TYW1B: variants seen among roughly 807,000 people sequenced by gnomAD.
TYW1B encodes S-adenosyl-L-methionine-dependent tRNA 4-demethylwyosine synthase TYW1B.
In TYW1B, 73 loss-of-function variants were observed where a neutral mutation model predicts 86.9. That is an observed-to-expected ratio of 0.84 (90% CI 0.70 to 1.02). TYW1B has a LOEUF of 1.02. TYW1B is among the 50% of genes least tolerant of loss of function. TYW1B has a pLI of 0.00. For synonymous variants in TYW1B, 248 were observed against 292.8 expected (o/e 0.85, Z 1.56); for missense variants, 637 against 827.4 (o/e 0.77, Z 2.82).
intron 10 of TYW1B, among the ~76,000 whole-genome samples, chr7:72,712,477 C>T (rs1318531190): frequency 6.6e-6 from 1 of 152,072 alleles, no homozygotes; most frequent in Non-Finnish European, 1.5e-5. Flanking sequence ...TACAGGCATG[C>T]ACCATCATGC....
chr7:72,662,994 T>C (rs1198798779), intron 11 of TYW1B, among the ~76,000 whole-genome samples: 29 of 152,352 alleles, frequency 1.9e-4, no homozygotes, highest in African/African-American at 6.5e-4. Context: ...AAATTCTTTT[T>C]TTCATAAATC....
intron 13 of TYW1B, among the ~76,000 whole-genome samples, chr7:72,593,065 G>T (rs191140869): frequency 1.3e-5 from 2 of 151,882 alleles, no homozygotes; most frequent in Admixed American, 1.3e-4. Context: ...CACTTTGGGA[G>T]GCCAAGGCAG....
At chr7:72,783,560 T>C (rs1254006766) in intron 6 of TYW1B, among the ~76,000 whole-genome samples, 1 of 152,204 alleles carries the variant, frequency 6.6e-6, no homozygotes, top group Non-Finnish European at 1.5e-5. Flanking sequence ...TTTAGATTCC[T>C]ATTTCTTTAA....
At chr7:72,606,211 G>C (rs569589069) in intron 13 of TYW1B, among the ~76,000 whole-genome samples, 3 of 151,962 alleles carry the variant, frequency 2.0e-5, no homozygotes, top group African/African-American at 4.8e-5. Context: ...AAAAAAAAGA[G>C]TCCCAAGTAA....
chr7:72,586,960 T>C (rs1374505021), intron 13 of TYW1B, among the ~76,000 whole-genome samples: 15 of 152,134 alleles, frequency 9.9e-5, no homozygotes, highest in African/African-American at 3.4e-4. Context: ...AAAACAAAAA[T>C]AAAAAAGAAC....
intron 7 of TYW1B, among the ~76,000 whole-genome samples, chr7:72,755,909 A>C (rs1350192397): frequency 1.3e-5 from 2 of 152,204 alleles, no homozygotes; most frequent in Non-Finnish European, 2.9e-5. Flanking sequence ...ATGAAGTATC[A>C]AGCAAAGATC....
At chr7:72,712,881 G>A (rs1786697255) in intron 10 of TYW1B, among the ~76,000 whole-genome samples, 1 of 152,044 alleles carries the variant, frequency 6.6e-6, no homozygotes, top group Non-Finnish European at 1.5e-5. Flanking sequence ...ACATTCTGTG[G>A]TCTAAATAAA....
rs374351660 is a variant in TYW1B at position 72,807,141 on chromosome 7, T to C, written c.648A>G (p.Glu216=). ...CGGHCKKGKC[E]SHQHGSEERE... The stretch of plus-strand genomic sequence containing the variant: ...TCTCCTCTGAGCCATGTTGGTGAGA[T>C]TCACATTTGCCTTTCTTGCAGTGGC... The change falls in exon 5 of 14, where the codon GAA becomes GAG. Residue 216 remains glutamate (E), a synonymous_variant. Coordinates refer to ENST00000620995, the MANE Select transcript of TYW1B (RefSeq NM_001145440.3). 8.4e-5 allele frequency: 136 copies of C among 1,613,988 alleles called. No homozygotes were observed. Among genetic ancestry groups the C allele is most frequent in the Non-Finnish European group, 1.1e-4 (127 of 1,180,016 alleles).
chr7:72,752,095 T>TC (rs1191207833), intron 7 of TYW1B, among the ~76,000 whole-genome samples: 1 of 151,954 alleles, frequency 6.6e-6, no homozygotes, highest in Non-Finnish European at 1.5e-5. Context: ...ACAAAGAGGG[T>TC]CCCCCAGCTG....
chr7:72,819,664 C>T (rs1554480087), intron 2 of TYW1B, among the ~76,000 whole-genome samples: 1 of 152,174 alleles, frequency 6.6e-6, no homozygotes, highest in Non-Finnish European at 1.5e-5. Flanking sequence ...AACTCCTGGG[C>T]TCAAGTGATC....
chr7:72,719,794 A>G (rs1388119239), intron 9 of TYW1B, among the ~76,000 whole-genome samples: 1 of 151,934 alleles, frequency 6.6e-6, no homozygotes, highest in East Asian at 1.9e-4. Flanking sequence ...TAGCTGGAGG[A>G]GGTGAGGGAG....
Position 72,742,852 on chromosome 7 carries a change from T to A in TYW1B, c.1082+1632A>T, listed in dbSNP as rs139376813. Among the ~76,000 whole-genome samples the A allele has an allele frequency of 3.2e-3, 484 of 152,206 alleles. 8 individuals carry two copies. In the East Asian group the frequency reaches 0.035, roughly 11 times the overall value. On this transcript the variant is annotated intron_variant, in intron 8 of 13. Transcript: ENST00000620995. The stretch of plus-strand genomic sequence containing the variant: ...GCCAATATGGAGATAAATTAAGAGA[T>A]GACATTGACTAGAAAGTATTAAATC...
intron 13 of TYW1B, among the ~76,000 whole-genome samples, chr7:72,603,226 C>G (rs1410160106): frequency 6.7e-6 from 1 of 149,136 alleles, no homozygotes; most frequent in African/African-American, 2.5e-5. Context: ...CAGATAGACA[C>G]AGACAGATGA....
intron 7 of TYW1B, among the ~76,000 whole-genome samples, chr7:72,776,238 C>T (rs1787951672): frequency 6.6e-6 from 1 of 152,112 alleles, no homozygotes; most frequent in Admixed American, 6.6e-5. Flanking sequence ...TACGGTTCTT[C>T]TACACATTAA....
intron 11 of TYW1B, among the ~76,000 whole-genome samples, chr7:72,632,284 T>A (rs1207409348): frequency 1.2e-5 from 1 of 80,186 alleles, no homozygotes; most frequent in Non-Finnish European, 2.2e-5. Flanking sequence ...TATATATACG[T>A]GTATATATAT....
At chr7:72,617,772 T>TACAC (rs1812113032) in intron 12 of TYW1B, among the ~76,000 whole-genome samples, 1 of 152,176 alleles carries the variant, frequency 6.6e-6, no homozygotes, top group Non-Finnish European at 1.5e-5. Flanking sequence ...TACATACCTT[T>TACAC]ACACACAACT....
At chr7:72,752,732 A>AAAATAAAC (rs1787521355) in intron 7 of TYW1B, among the ~76,000 whole-genome samples, 1 of 150,666 alleles carries the variant, frequency 6.6e-6, no homozygotes, top group East Asian at 2.0e-4. Context: ...CTCCGTCTCA[A>AAAATAAAC]AAACAAACAA....
intron 7 of TYW1B, among the ~76,000 whole-genome samples, chr7:72,764,194 T>C (rs1342140876): frequency 2.6e-5 from 4 of 152,236 alleles, no homozygotes; most frequent in African/African-American, 9.6e-5. Flanking sequence ...TAAGTTGTTG[T>C]TGTGAACCAC....
At chr7:72,638,735 T>C (rs141532595) in intron 11 of TYW1B, among the ~76,000 whole-genome samples, 1 of 152,202 alleles carries the variant, frequency 6.6e-6, no homozygotes, top group Non-Finnish European at 1.5e-5. Flanking sequence ...TGTTTAGAGA[T>C]AGCATGATTA....
Sources: allele counts gnomAD v4.1 joint callset (sites outside exome capture counted in the v4.1 genomes callset), GRCh38; gene constraint gnomAD v4.1.1; transcripts MANE v1.5; gene names NCBI Gene and HGNC (gene_info 2026-07-23, HGNC 2026-07-21).